BRD8: variants seen among roughly 807,000 people sequenced by gnomAD.
BRD8 encodes the protein bromodomain containing 8.
Under a neutral mutation model 143.1 loss-of-function variants are expected in BRD8, and 67 were observed. The observed-to-expected ratio is 0.47, with a 90% CI of 0.38 to 0.57. BRD8 has a LOEUF of 0.57. BRD8 is among the 20% of genes least tolerant of loss of function. The pLI is 0.00. For synonymous variants in BRD8, 505 were observed against 517.1 expected (o/e 0.98, Z 0.32); for missense variants, 1,103 against 1,503.0 (o/e 0.73, Z 4.40).
Position 138,158,583 on chromosome 5 carries a change from C to T in BRD8, c.2577+972G>A, listed in dbSNP as rs552094007. 2.0e-5 allele frequency among the ~76,000 whole-genome samples: 3 copies of T among 151,566 alleles called. No homozygotes were observed. In the East Asian group the frequency reaches 5.8e-4, roughly 30 times the overall value. On this transcript the variant is annotated intron_variant, in intron 20 of 26. Transcript: ENST00000254900. ...CCTCCCGAGTAGCTGGGATTACAGG[C>T]GTATGCCACCACACCCGGCTAATTT... is the stretch of plus-strand genomic sequence containing the variant.
chr5:138,152,220 C>A (rs1037416806), intron 21 of BRD8, among the ~76,000 whole-genome samples: 1 of 151,872 alleles, frequency 6.6e-6, no homozygotes, highest in South Asian at 2.1e-4. Flanking sequence ...GAACTCCCAA[C>A]CTCAAGTGAT....
At position 138,171,415 on chromosome 5, in the gene BRD8, T is replaced by TAAAAAAAA; in HGVS notation, c.187-13_187-6dup. On this transcript the variant is annotated splice_polypyrimidine_tract_variant and splice_region_variant and intron_variant, in intron 3 of 26. Coordinates refer to ENST00000254900, the MANE Select transcript of BRD8 (RefSeq NM_139199.2). ...CGAGTACTGGGAAGCACAATGCTAT[T>TAAAAAAAA]AAAAAAAAAAAAAAAAGTGAAAATG... 4 of 1,346,182 alleles carry TAAAAAAAA rather than the reference T, an allele frequency of 3.0e-6. No homozygotes were observed. The highest frequency in any genetic ancestry group is 2.5e-5 in the East Asian group (1 of 39,840). The allele number at this position is 1,346,182 out of a possible 1,614,324, so 83.4% of individuals were successfully genotyped here. A position where few individuals can be genotyped will look rare whatever the true frequency, so the allele number is the denominator to read the frequency against.
chr5:138,160,826 A>G, intron 18 of BRD8, 65 bp downstream of exon 18: 1 of 1,448,280 alleles, frequency 6.9e-7, no homozygotes, highest in Non-Finnish European at 9.2e-7. Flanking sequence ...TGGCATCAAT[A>G]TGAATCCTCC....
intron 23 of BRD8, among the ~76,000 whole-genome samples, chr5:138,147,781 C>T (rs1053932419): frequency 6.6e-6 from 1 of 151,806 alleles, no homozygotes; most frequent in African/African-American, 2.4e-5. Flanking sequence ...AACAAAAATA[C>T]AAAAAAATCA....
chr5:138,164,599 C>A, intron 12 of BRD8, 115 bp downstream of exon 12: 1 of 1,270,828 alleles, frequency 7.9e-7, no homozygotes, highest in Non-Finnish European at 1.1e-6. Context: ...GGGCTTTGGA[C>A]ACATCAAACA....
chr5:138,166,045 G>A lies in BRD8; in HGVS notation c.1061C>T (p.Ser354Phe). Residue 354 changes from serine to phenylalanine, a missense_variant, in exon 11 of 27, where the codon TCC becomes TTC. Physicochemically the swap from Ser to Phe is radical, Grantham distance 155. This residue lies in a region of BRD8 where 334 missense variants were observed against 372.5 expected (regional missense o/e 0.90). Transcript: ENST00000254900. ...AVGDPHTVTV[S>F]MDSSEISMII... ...CATGGATATTTCACTGCTGTCCATG[G>A]AAACAGTCACAGTATGTGGATCCCC... 1 of 1,614,012 alleles carries A rather than the reference G, an allele frequency of 6.2e-7. No homozygotes were observed. Among genetic ancestry groups the A allele is most frequent in the Non-Finnish European group, 8.5e-7 (1 of 1,179,914 alleles).
At chr5:138,159,147 AT>A (rs1263055631) in intron 20 of BRD8, among the ~76,000 whole-genome samples, 1 of 152,120 alleles carries the variant, frequency 6.6e-6, no homozygotes, top group Non-Finnish European at 1.5e-5. Flanking sequence ...TTGCAACTTA[AT>A]TTTAGGAGAC....
intron 21 of BRD8, among the ~76,000 whole-genome samples, chr5:138,152,078 A>C (rs1382904179): frequency 3.4e-5 from 5 of 148,342 alleles, no homozygotes; most frequent in Non-Finnish European, 7.4e-5. Flanking sequence ...CTGGTCTTGA[A>C]CTCCTGACCT....
chr5:138,175,024 G>A (rs1298421774), intron 2 of BRD8, among the ~76,000 whole-genome samples: 1 of 151,944 alleles, frequency 6.6e-6, no homozygotes, highest in East Asian at 1.9e-4. Context: ...TGAGTAGCTG[G>A]GACTACAGGC....
Position 138,166,591 on chromosome 5 carries a change from G to C in BRD8, c.924C>G (p.Thr308=). The change falls in exon 10 of 27, where the codon ACC becomes ACG. Residue 308 remains threonine (T), a synonymous_variant. Coordinates refer to ENST00000254900, the MANE Select transcript of BRD8 (RefSeq NM_139199.2). The part of the protein sequence containing the change: ...PPPVESVSQA[T]IVMMPALPAP... ...CTGGCAGCGCAGGCATCATGACAAT[G>C]GTAGCTTGGGACACAGACTCTACAG... is the stretch of plus-strand genomic sequence containing the variant. 1 of 1,613,956 alleles carries C rather than the reference G, an allele frequency of 6.2e-7. No individual in the cohort carries two copies. The highest frequency in any genetic ancestry group is 8.5e-7 in the Non-Finnish European group (1 of 1,179,894).
At chr5:138,161,702 C>T (rs1212040562) in intron 17 of BRD8, 94 bp downstream of exon 17, 2 of 1,294,846 alleles carry the variant, frequency 1.5e-6, no homozygotes, top group East Asian at 4.8e-5. Flanking sequence ...CATAAACTTA[C>T]TTGCTTTAAA....
At chr5:138,160,278 G>A (rs1752902635) in intron 18 of BRD8, 105 bp from the exon 19 acceptor site, 1 of 755,116 alleles carries the variant, frequency 1.3e-6, no homozygotes, top group Non-Finnish European at 2.3e-6. Context: ...TACTCTTCTG[G>A]CTCAAATATA....
At chr5:138,141,512 A>G (rs1751908940) in intron 25 of BRD8, among the ~76,000 whole-genome samples, 1 of 152,168 alleles carries the variant, frequency 6.6e-6, no homozygotes, top group Non-Finnish European at 1.5e-5. Flanking sequence ...CTGAATTCCA[A>G]TTCAGAGGCA....
intron 11 of BRD8, 51 bp downstream of exon 11, chr5:138,165,777 G>A (rs887939515): frequency 3.7e-5 from 52 of 1,399,532 alleles, no homozygotes; most frequent in Non-Finnish European, 4.9e-5. Flanking sequence ...GCTGAAAAGA[G>A]AAGCCTATGT....
In BRD8 at chr5:138,155,905, G is replaced by T. The variant is rs186386031; in HGVS notation, c.2578-3145C>A. On this transcript the variant is annotated intron_variant, in intron 20 of 26. Transcript: ENST00000254900. ...CTATATTTATTTGAGAAAGGGTCTT[G>T]CTCTTTCACCCAGGCTGGAGTGCAG... 5.4e-5 allele frequency among the ~76,000 whole-genome samples: 8 copies of T among 147,232 alleles called. No homozygotes were observed. In the East Asian group the frequency reaches 1.7e-3, roughly 30 times the overall value.
intron 2 of BRD8, 128 bp from the exon 3 acceptor site, chr5:138,172,262 C>T (rs765728625): frequency 5.8e-5 from 38 of 653,438 alleles, no homozygotes; most frequent in Non-Finnish European, 8.4e-5. Context: ...CGGTGGCTCA[C>T]GCCTGTAATC....
intron 8 of BRD8, chr5:138,168,462 C>T (rs755105888): frequency 2.5e-6 from 4 of 1,593,320 alleles, no homozygotes; most frequent in Non-Finnish European, 3.4e-6. Context: ...CCACAGAAGT[C>T]TCCATACCAG....
intron 25 of BRD8, among the ~76,000 whole-genome samples, chr5:138,142,352 G>T (rs1161841090): frequency 6.6e-6 from 1 of 152,098 alleles, no homozygotes; most frequent in African/African-American, 2.4e-5. Context: ...AAATTATCCA[G>T]CCTGTGGTAT....
At chr5:138,172,755 G>A in intron 2 of BRD8, 1 of 438,588 alleles carries the variant, frequency 2.3e-6, no homozygotes, top group Non-Finnish European at 4.5e-6. Context: ...GGGCAGCTGA[G>A]GTAGGAGGAT....
Sources: allele counts gnomAD v4.1 joint callset (sites outside exome capture counted in the v4.1 genomes callset), GRCh38; gene constraint gnomAD v4.1.1; regional missense constraint gnomAD v4.1.1; transcripts MANE v1.5; gene names NCBI Gene and HGNC (gene_info 2026-07-23, HGNC 2026-07-21).